The following DNAH5 variants were observed in gnomAD, a reference collection of about 807,000 sequenced individuals.
DNAH5 encodes the protein axonemal beta dynein heavy chain 5.
DNAH5 carries 372 observed loss-of-function variants against 518.2 expected under a neutral mutation model. That is an observed-to-expected ratio of 0.72 (90% CI 0.66 to 0.78). DNAH5 has a LOEUF of 0.78. DNAH5 is among the 30% of genes least tolerant of loss of function. DNAH5 has a pLI of 0.00. For synonymous variants in DNAH5, 2,039 were observed against 2,025.9 expected (o/e 1.01, Z -0.17); for missense variants, 5,523 against 5,687.0 (o/e 0.97, Z 0.93).
chr5:13,915,788 A>T lies in DNAH5; in HGVS notation c.1197+560T>A, dbSNP rs114929120. Among the ~76,000 whole-genome samples, 106 of 152,292 alleles carry T rather than the reference A, an allele frequency of 7.0e-4. 1 individual carries two copies. The highest frequency in any genetic ancestry group is 2.5e-3 in the African/African-American group (103 of 41,578). On this transcript the variant is annotated intron_variant, in intron 9 of 78. Coordinates refer to ENST00000265104, the MANE Select transcript of DNAH5 (RefSeq NM_001369.3). The stretch of plus-strand genomic sequence containing the variant: ...CTTCTTAGAGACTGTTCAAAATGAG[A>T]ATAGCAACAGTGCTTACCATAAACA...
At chr5:13,965,717 C>T (rs752473435) in intron 1 of DNAH5, among the ~76,000 whole-genome samples, 5 of 152,124 alleles carry the variant, frequency 3.3e-5, no homozygotes, top group African/African-American at 4.8e-5. Context: ...CAAATATATT[C>T]GAAAATGTCC....
chr5:13,984,979 G>A (rs1004750169), intron 1 of DNAH5, among the ~76,000 whole-genome samples: 28 of 152,276 alleles, frequency 1.8e-4, no homozygotes, highest in Non-Finnish European at 3.5e-4. Flanking sequence ...ACATGCACAT[G>A]TATGTTTATT....
chr5:13,979,296 C>T (rs561866812), intron 1 of DNAH5, among the ~76,000 whole-genome samples: 8 of 152,212 alleles, frequency 5.3e-5, no homozygotes, highest in South Asian at 4.1e-4. Context: ...CCACCATACA[C>T]GCTTGAGGCT....
rs758106572 is a variant in DNAH5, at chr5:13,901,585, A to T, written c.1731-12T>A. The T allele has an allele frequency of 1.8e-5, 29 of 1,572,536 alleles. No homozygotes were observed. The highest frequency in any genetic ancestry group is 4.5e-5 in the East Asian group (2 of 44,402). ...TAGGTATATTCAATCTGATTTTTTT[A>T]AAAAGTTAAAAGCTTGAATTAATGG... is the stretch of plus-strand genomic sequence containing the variant. On this transcript the variant is annotated splice_polypyrimidine_tract_variant and intron_variant, in intron 13 of 78. Coordinates refer to ENST00000265104, the MANE Select transcript of DNAH5 (RefSeq NM_001369.3).
At chr5:13,934,451 A>T (rs1778731998) in intron 1 of DNAH5, among the ~76,000 whole-genome samples, 1 of 152,204 alleles carries the variant, frequency 6.6e-6, no homozygotes, top group Non-Finnish European at 1.5e-5. Flanking sequence ...TAAATAATAG[A>T]GTAATTTTGT....
At position 13,876,649 on chromosome 5, in the gene DNAH5, G is replaced by A. The variant is rs774339118; in HGVS notation, c.3396+35C>T. On this transcript the variant is annotated intron_variant, in intron 22 of 78. Transcript: ENST00000265104. ...CTTTCACACAAGTGCATGTTGCAAA[G>A]CAAAAGGTCCGGCTGCCAGACCCTC... 10 of 1,608,338 alleles carry A rather than the reference G, an allele frequency of 6.2e-6. No individual in the cohort carries two copies. In the Admixed American group the frequency reaches 8.5e-5, roughly 14 times the overall value.
At chr5:13,914,103 T>G in intron 10 of DNAH5, 145 bp from the exon 11 acceptor site, 1 of 1,002,950 alleles carries the variant, frequency 1.0e-6, no homozygotes, top group Non-Finnish European at 1.4e-6. Flanking sequence ...CTCATCAGCC[T>G]GGAAAATCAT....
At chr5:13,766,497 CA>C (rs1471006713) in intron 58 of DNAH5, among the ~76,000 whole-genome samples, 2 of 152,184 alleles carry the variant, frequency 1.3e-5, no homozygotes, top group Non-Finnish European at 2.9e-5. Flanking sequence ...GAATAGTCAG[CA>C]CATAAGTAGA....
rs1415657550 is a variant in DNAH5 at position 13,839,344 on chromosome 5, G to A, written c.5882+12C>T. ...TAAAAATGGTGGGGGTTGGGGAGAA[G>A]GGTTCCATCACCTGTCTGTAAGTGG... is the stretch of plus-strand genomic sequence containing the variant. On this transcript the variant is annotated intron_variant, in intron 35 of 78. Coordinates refer to ENST00000265104, the MANE Select transcript of DNAH5 (RefSeq NM_001369.3). 6.2e-7 allele frequency: 1 copy of A among 1,613,468 alleles called. No homozygotes were observed. The highest frequency in any genetic ancestry group is 1.1e-5 in the South Asian group (1 of 91,050).
chr5:13,733,965 T>C (rs1339930253), intron 68 of DNAH5, among the ~76,000 whole-genome samples: 2 of 152,238 alleles, frequency 1.3e-5, no homozygotes, highest in East Asian at 3.9e-4. Context: ...ATTTAGACCC[T>C]GGCATCATTT....
rs749394641 is a variant in DNAH5 at position 13,844,832 on chromosome 5, C to G, written c.5271+5G>C. Reference sequence around the variant, plus strand: ...TTGTTGGCCTGCCATTAGAATTAGGCGAACCTTTTCGTGGAACTTGACAGA... The same window carrying G: ...TTGTTGGCCTGCCATTAGAATTAGGGGAACCTTTTCGTGGAACTTGACAGA... On this transcript the variant is annotated splice_donor_5th_base_variant and intron_variant, in intron 32 of 78. Coordinates refer to ENST00000265104, the MANE Select transcript of DNAH5 (RefSeq NM_001369.3). 2.5e-6 allele frequency: 4 copies of G among 1,613,976 alleles called. No individual in the cohort carries two copies. The highest frequency in any genetic ancestry group is 3.4e-6 in the Non-Finnish European group (4 of 1,179,998).
Position 13,901,344 on chromosome 5 carries a change from C to A in DNAH5, c.1960G>T (p.Ala654Ser). The change falls in exon 14 of 79, where the codon GCA becomes TCA. Residue 654 changes from alanine (A) to serine (S), a missense_variant. Around this residue, in one of 3 missense-constraint regions of DNAH5, gnomAD observed 5,121 missense variants for 5,223.3 expected, o/e 0.98. Transcript: ENST00000265104. ...FQQHPAVLST[A>S]EAKPIIRSYN... Reference sequence around the variant, plus strand: ...CTGCGAATTATAGGTTTGGCTTCTGCCGTGCTTAGCACAGCTGGGTGCTGC... The same window carrying A: ...CTGCGAATTATAGGTTTGGCTTCTGACGTGCTTAGCACAGCTGGGTGCTGC... 6.2e-7 allele frequency: 1 copy of A among 1,614,132 alleles called. No homozygotes were observed. Among genetic ancestry groups the A allele is most frequent in the South Asian group, 1.1e-5 (1 of 91,078 alleles).
At chr5:13,907,665 G>A (rs1775491209) in intron 12 of DNAH5, among the ~76,000 whole-genome samples, 1 of 151,980 alleles carries the variant, frequency 6.6e-6, no homozygotes, top group Admixed American at 6.6e-5. Context: ...ATGTAACTAT[G>A]ACCCTCCCCC....
Position 13,913,793 on chromosome 5 carries a change from G to A in DNAH5, c.1486C>T (p.Leu496=), listed in dbSNP as rs1207049417. Residue 496 remains leucine, a synonymous_variant, in exon 11 of 79, where the codon CTG becomes TTG. Coordinates refer to ENST00000265104, the MANE Select transcript of DNAH5 (RefSeq NM_001369.3). The part of the protein sequence containing the change: ...IFTTLKTYSV[L]QDSTIEGLED... ...AGCCCTTCAATTGTGGAATCTTGCA[G>A]GACTGAATACGTCTTGAGGGTTGTA... 3.8e-5 allele frequency: 61 copies of A among 1,613,466 alleles called. No individual in the cohort carries two copies. The highest frequency in any genetic ancestry group is 4.9e-5 in the Non-Finnish European group (58 of 1,179,574).
intron 31 of DNAH5, among the ~76,000 whole-genome samples, chr5:13,848,577 C>A (rs1766382041): frequency 6.6e-6 from 1 of 152,050 alleles, no homozygotes; most frequent in African/African-American, 2.4e-5. Context: ...CAGTGAGAGC[C>A]CTCAGCTTGT....
At chr5:13,795,844 T>C (rs937914335) in intron 47 of DNAH5, among the ~76,000 whole-genome samples, 1 of 152,190 alleles carries the variant, frequency 6.6e-6, no homozygotes, top group African/African-American at 2.4e-5. Context: ...TCAAAAAACT[T>C]ATCCACCATG....
intron 15 of DNAH5, among the ~76,000 whole-genome samples, chr5:13,896,206 T>C (rs920071597): frequency 6.6e-6 from 1 of 152,094 alleles, no homozygotes; most frequent in Non-Finnish European, 1.5e-5. Flanking sequence ...CATGGTTACA[T>C]AGCCTCCCAT....
chr5:13,713,466 T>TATATATATAC (rs1158251022), intron 75 of DNAH5, among the ~76,000 whole-genome samples: 6 of 98,322 alleles, frequency 6.1e-5, no homozygotes, highest in African/African-American at 1.9e-4. Context: ...TATATATATA[T>TATATATATAC]ACACACACCG....
At chr5:13,751,358 A>C in intron 64 of DNAH5, 98 bp from the exon 65 acceptor site, 1 of 1,164,046 alleles carries the variant, frequency 8.6e-7, no homozygotes, top group Non-Finnish European at 1.2e-6. Flanking sequence ...TAATTACATA[A>C]TTGGAGATCA....
Sources: allele counts gnomAD v4.1 joint callset (sites outside exome capture counted in the v4.1 genomes callset), GRCh38; gene constraint gnomAD v4.1.1; regional missense constraint gnomAD v4.1.1; transcripts MANE v1.5; gene names NCBI Gene and HGNC (gene_info 2026-07-23, HGNC 2026-07-21).